WBP2: variants seen among roughly 807,000 people sequenced by gnomAD.
The protein encoded by WBP2 is WW domain binding protein 2.
In WBP2, 23 loss-of-function variants were observed where a neutral mutation model predicts 33.0. That is an observed-to-expected ratio of 0.70 (90% confidence interval 0.50 to 0.99). The LOEUF (loss-of-function observed/expected upper bound fraction) is 0.99. Among genes scored for constraint, WBP2 ranks in the 50% least tolerant of loss-of-function variants. The pLI, the probability that WBP2 is intolerant of heterozygous loss-of-function variation, is 0.00. For synonymous variants in WBP2, 153 were observed against 133.5 expected (o/e 1.15, Z -1.01); for missense variants, 353 against 358.0 (o/e 0.99, Z 0.11).
rs778639996 is a variant in WBP2 at position 75,847,532 on chromosome 17, T to C, written c.610A>G (p.Met204Val). 5 of 1,594,556 alleles carry C rather than the reference T, an allele frequency of 3.1e-6. No homozygotes were observed. The Admixed American group carries it at 5.3e-5, about 17-fold the overall frequency. ...QPPPPPYPGP[M>V]EPPVSGPDVP... is the part of the protein sequence containing the mutation. ...TCGGGGCCGCTGACCGGAGGTTCCA[T>C]GGGCCCAGGGTAGGGCGGTGGTGGG... Residue 204 changes from methionine (M) to valine (V), a missense_variant, in exon 6 of 8, where the codon ATG becomes GTG. By Grantham distance (21) the Met-to-Val change is conservative. Coordinates refer to ENST00000254806, the MANE Select transcript of WBP2 (RefSeq NM_012478.4).
At chr17:75,853,230 G>C (rs992806361) in intron 1 of WBP2, among the ~76,000 whole-genome samples, 7 of 151,984 alleles carry the variant, frequency 4.6e-5, no homozygotes, top group African/African-American at 1.7e-4. Flanking sequence ...GTGTTTAGTA[G>C]AGACGAGGTT....
intron 1 of WBP2, chr17:75,852,848 A>G: frequency 4.1e-6 from 4 of 964,638 alleles, no homozygotes; most frequent in Non-Finnish European, 4.9e-6. Flanking sequence ...CTAAGAGATG[A>G]CTGTACAGAT....
rs1390433474 is a variant in WBP2 at position 75,855,274 on chromosome 17, C to A, written c.24G>T (p.Ser8=). MALNKNH[S]EGGGVIVNNT... is the part of the protein sequence containing the mutation. The stretch of plus-strand genomic sequence containing the variant: ...TATTGACGATCACTCCGCCGCCCTC[C>A]GAGTGATTCTTGTTGAGCGCCATAG... Residue 8 remains serine, a synonymous_variant, in exon 1 of 8, where the codon TCG becomes TCT. Coordinates refer to ENST00000254806, the MANE Select transcript of WBP2 (RefSeq NM_012478.4). 6 of 1,612,890 alleles carry A rather than the reference C, an allele frequency of 3.7e-6. No individual in the cohort carries two copies. In the East Asian group the frequency reaches 1.1e-4, roughly 30 times the overall value.
In WBP2 at chr17:75,848,377, G is replaced by A. The variant is rs992688044; in HGVS notation, c.397+193C>T. 11 of 610,980 alleles carry A rather than the reference G, an allele frequency of 1.8e-5. No individual in the cohort carries two copies. The East Asian group carries it at 1.9e-4, about 11-fold the overall frequency. The allele number at this position is 610,980 out of a possible 1,614,324, so 37.8% of individuals were successfully genotyped here. On this transcript the variant is annotated intron_variant, in intron 4 of 7. Coordinates refer to ENST00000254806, the MANE Select transcript of WBP2 (RefSeq NM_012478.4). ...ATCCACCTGCCCCAGGCAGGGAAACGCAGTCTCTGAGGTACAGGACAGAGC... is the reference window on the plus strand; with the variant it reads ...ATCCACCTGCCCCAGGCAGGGAAACACAGTCTCTGAGGTACAGGACAGAGC...
chr17:75,848,306 G>A, intron 4 of WBP2: 1 of 589,456 alleles, frequency 1.7e-6, no homozygotes, highest in Non-Finnish European at 3.0e-6. Context: ...GTTTTATGAG[G>A]CCATAGTAAA....
At chr17:75,849,831 C>A in intron 2 of WBP2, 92 bp from the exon 3 acceptor site, 1 of 1,526,814 alleles carries the variant, frequency 6.5e-7, no homozygotes, top group Non-Finnish European at 8.9e-7. Flanking sequence ...CGAATCCTCT[C>A]CCAGTGCCAG....
intron 1 of WBP2, 59 bp downstream of exon 1, chr17:75,855,180 C>A: frequency 7.0e-7 from 1 of 1,435,790 alleles, no homozygotes; most frequent in South Asian, 1.1e-5. Flanking sequence ...CACCACCCAC[C>A]GCCCACTTCC....
chr17:75,855,372 T>C (rs117456048), upstream of WBP2: 20,254 of 1,545,620 alleles, frequency 0.013, 181 homozygotes, highest in Admixed American at 0.022. Context: ...CCTAGTGGCG[T>C]CTTCTTATTA....
rs2064996005 is a variant in WBP2, at chr17:75,846,905, C to A, written c.732+3G>T. 1 of 1,614,096 alleles carries A rather than the reference C, an allele frequency of 6.2e-7. No individual in the cohort carries two copies. The highest frequency in any genetic ancestry group is 8.5e-7 in the Non-Finnish European group (1 of 1,179,984). On this transcript the variant is annotated splice_donor_region_variant and intron_variant, in intron 7 of 7. Coordinates refer to ENST00000254806, the MANE Select transcript of WBP2 (RefSeq NM_012478.4). The surrounding 1 kb of genome is among the most constrained non-coding windows in gnomAD (Gnocchi z 4.8). ...CTGCACCGGCACTGCCAAGCCCTCT[C>A]ACCGTGGGCATGTAGACGTTGTGAG...
chr17:75,855,980 G>A (rs576973706), upstream of WBP2, among the ~76,000 whole-genome samples: 1 of 152,310 alleles, frequency 6.6e-6, no homozygotes, highest in Non-Finnish European at 1.5e-5. Context: ...GGGAAGGGGA[G>A]GCCGTGTGCC....
At position 75,846,869 on chromosome 17, in the gene WBP2, C is replaced by T. The variant is rs373991894; in HGVS notation, c.732+39G>A. The stretch of plus-strand genomic sequence containing the variant: ...ATCCCCCTGCGGCTCCCAGCATCTG[C>T]GGCTGTGGGGCTGCACCGGCACTGC... On this transcript the variant is annotated intron_variant, in intron 7 of 7. Coordinates refer to ENST00000254806, the MANE Select transcript of WBP2 (RefSeq NM_012478.4). This position sits in a 1 kb window ranked among gnomAD's most constrained non-coding sequence, Gnocchi z 4.8. 7.4e-6 allele frequency: 12 copies of T among 1,613,336 alleles called. No homozygotes were observed. Among genetic ancestry groups the T allele is most frequent in the African/African-American group, 2.7e-5 (2 of 75,032 alleles).
In WBP2 at chr17:75,855,159, T is replaced by TGCCCCCCCCCC; in HGVS notation, c.59+79_59+80insGGGGGGGGGGC. On this transcript the variant is annotated intron_variant, in intron 1 of 7. Coordinates refer to ENST00000254806, the MANE Select transcript of WBP2 (RefSeq NM_012478.4). ...CAGTGCTCCCTCTTCAGGGGCTTAT[T>TGCCCCCCCCCC]CCCCACCACCCACCACCCACCGCCC... The TGCCCCCCCCCC allele has an allele frequency of 1.2e-5, 12 of 964,064 alleles. 2 individuals are homozygous for TGCCCCCCCCCC. The African/African-American group carries it at 1.6e-4, about 13-fold the overall frequency. The allele number at this position is 964,064 out of a possible 1,614,324, so 59.7% of individuals were successfully genotyped here.
chr17:75,851,802 C>T, intron 1 of WBP2, 126 bp from the exon 2 acceptor site: 1 of 699,770 alleles, frequency 1.4e-6, no homozygotes, highest in South Asian at 1.5e-5. Flanking sequence ...AATAGTGCGG[C>T]ATTAAAACTA....
chr17:75,850,528 A>G (rs1316171474), intron 2 of WBP2, among the ~76,000 whole-genome samples: 1 of 152,048 alleles, frequency 6.6e-6, no homozygotes, highest in Non-Finnish European at 1.5e-5. Context: ...TACAGGCATG[A>G]GCCACCGCAC....
chr17:75,851,828 G>A (rs571286133), intron 1 of WBP2, 152 bp from the exon 2 acceptor site: 46 of 561,190 alleles, frequency 8.2e-5, no homozygotes, highest in Middle Eastern at 8.4e-4. Flanking sequence ...AGGGCTGGGC[G>A]CGGTGGCTCA....
Position 75,845,958 on chromosome 17 carries a change from GC to G in WBP2, c.*775del, listed in dbSNP as rs1326876645. 1 of 152,464 alleles carries G rather than the reference GC, an allele frequency of 6.6e-6. No homozygotes were observed. Among genetic ancestry groups the G allele is most frequent in the Non-Finnish European group, 1.5e-5 (1 of 68,174 alleles). The allele number at this position is 152,464 out of a possible 1,614,324, so 9.4% of individuals were successfully genotyped here. On this transcript the variant is annotated 3_prime_UTR_variant, in exon 8 of 8. Transcript: ENST00000254806. ...TCCCGGCCAGCACACAGGGTCAGGG[GC>G]CCTTGTTCCCGGCCCCACCCAGCAG... is the stretch of plus-strand genomic sequence containing the variant.
In WBP2 at chr17:75,848,628, A is replaced by T. The variant is rs2065009904; in HGVS notation, c.339T>A (p.Thr113=). 6.8e-6 allele frequency: 11 copies of T among 1,614,110 alleles called. No homozygotes were observed. Among genetic ancestry groups the T allele is most frequent in the Non-Finnish European group, 9.3e-6 (11 of 1,179,980 alleles). Reference sequence around the variant, plus strand: ...ACTCAATGGCGCCCCCTGCCGTGAAAGTCAACTTGTAGGAAGCAGAGCCTT... The same window carrying T: ...ACTCAATGGCGCCCCCTGCCGTGAATGTCAACTTGTAGGAAGCAGAGCCTT... The part of the protein sequence containing the change: ...GWEGSASYKL[T]FTAGGAIEFG... Residue 113 remains threonine (T), a synonymous_variant, in exon 4 of 8, where the codon ACT becomes ACA. Coordinates refer to ENST00000254806, the MANE Select transcript of WBP2 (RefSeq NM_012478.4).
chr17:75,848,741 G>T, intron 3 of WBP2, 79 bp from the exon 4 acceptor site: 1 of 1,329,952 alleles, frequency 7.5e-7, no homozygotes, highest in Non-Finnish European at 1.1e-6. Context: ...TTCCTCTCCA[G>T]GACTTCATCC....
At position 75,855,255 on chromosome 17, in the gene WBP2, C is replaced by T. The variant is rs368751873; in HGVS notation, c.43G>A (p.Val15Ile). 10 of 1,605,612 alleles carry T rather than the reference C, an allele frequency of 6.2e-6. No individual in the cohort carries two copies. The highest frequency in any genetic ancestry group is 8.5e-6 in the Non-Finnish European group (10 of 1,176,134). ...KNHSEGGGVI[V>I]NNTESILMSY... is the part of the protein sequence containing the mutation. Reference sequence around the variant, plus strand: ...TGTTTTCACCTCTCGGTGTTATTGACGATCACTCCGCCGCCCTCCGAGTGA... The same window carrying T: ...TGTTTTCACCTCTCGGTGTTATTGATGATCACTCCGCCGCCCTCCGAGTGA... The change falls in exon 1 of 8, where the codon GTC becomes ATC. Residue 15 changes from valine (V) to isoleucine (I), a missense_variant. Val to Ile is a conservative substitution (Grantham distance 29, BLOSUM62 3). Transcript: ENST00000254806.
Sources: allele counts gnomAD v4.1 joint callset (sites outside exome capture counted in the v4.1 genomes callset), GRCh38; gene constraint gnomAD v4.1.1; non-coding constraint Gnocchi (gnomAD v3.1); transcripts MANE v1.5; gene names NCBI Gene and HGNC (gene_info 2026-07-23, HGNC 2026-07-21).